Variants in DOCK9 observed in about 807,000 individuals in gnomAD.
DOCK9 encodes the protein dedicator of cytokinesis protein 9.
A neutral mutation model predicts 263.3 loss-of-function variants in DOCK9; 89 were observed. The observed-to-expected ratio is 0.34, with a 90% CI of 0.28 to 0.40. The LOEUF (loss-of-function observed/expected upper bound fraction) is 0.40, where lower values mean the gene tolerates loss of function less well. Ranked by LOEUF, DOCK9 falls within the 10% of genes least tolerant of loss-of-function variation. The pLI is 1.00. For synonymous variants in DOCK9, 976 were observed against 973.1 expected (o/e 1.00, Z -0.06); for missense variants, 2,140 against 2,603.4 (o/e 0.82, Z 3.87).
At chr13:99,019,993 T>G (rs1885887004) in intron 1 of DOCK9, among the ~76,000 whole-genome samples, 4 of 152,242 alleles carry the variant, frequency 2.6e-5, no homozygotes, top group Non-Finnish European at 4.4e-5. Context: ...TCCCAGCTAC[T>G]GGGGAGGCTG....
chr13:98,811,534 C>A (rs1409286174), intron 45 of DOCK9, among the ~76,000 whole-genome samples: 1 of 152,046 alleles, frequency 6.6e-6, no homozygotes, highest in African/African-American at 2.4e-5. Context: ...CCTCTGTCTC[C>A]CAAGTAGCTG....
At chr13:99,027,957 A>C (rs1165149450) in intron 1 of DOCK9, among the ~76,000 whole-genome samples, 1 of 152,234 alleles carries the variant, frequency 6.6e-6, no homozygotes, top group African/African-American at 2.4e-5. Flanking sequence ...ACATTCTGAA[A>C]GATGGAGTTC....
At chr13:99,012,440 G>A (rs1226272701) in intron 1 of DOCK9, among the ~76,000 whole-genome samples, 1 of 152,140 alleles carries the variant, frequency 6.6e-6, no homozygotes, top group African/African-American at 2.4e-5. Context: ...ACAAAGGCTT[G>A]GTGCACACTG....
At chr13:98,806,181 G>C (rs1164375222) in intron 48 of DOCK9, among the ~76,000 whole-genome samples, 1 of 152,222 alleles carries the variant, frequency 6.6e-6, no homozygotes, top group Non-Finnish European at 1.5e-5. Context: ...AGACAGCTGA[G>C]ATTAGATGCA....
Position 98,797,462 on chromosome 13 carries a change from G to C in DOCK9, c.5944C>G (p.Arg1982Gly). 1 of 1,612,638 alleles carries C rather than the reference G, an allele frequency of 6.2e-7. No individual in the cohort carries two copies. Among genetic ancestry groups the C allele is most frequent in the Non-Finnish European group, 8.5e-7 (1 of 1,179,318 alleles). The change falls in exon 51 of 53, where the codon CGA becomes GGA. Residue 1982 changes from arginine (R) to glycine (G), a missense_variant. Physicochemically the swap from Arg to Gly is moderately radical, Grantham distance 125 (BLOSUM62 -2). This residue lies in a region of DOCK9 where 619 missense variants were observed against 861.8 expected (regional missense o/e 0.72). Coordinates refer to ENST00000682017, the MANE Select transcript of DOCK9 (RefSeq NM_001366683.2). ...QVNAGPLAYA[R>G]AFLDDTNTKR... ...GTGTTTGTATCATCTAAGAAAGCTC[G>C]CGCATATGCTAGTGGGCCAGCATTG... is the stretch of plus-strand genomic sequence containing the variant.
intron 48 of DOCK9, among the ~76,000 whole-genome samples, chr13:98,805,715 T>G (rs758256023): frequency 2.0e-5 from 3 of 152,248 alleles, no homozygotes; most frequent in Non-Finnish European, 2.9e-5. Context: ...CTAGTCATGT[T>G]TAATTTAGAA....
chr13:99,075,355 C>CTTT (rs142464481), intron 1 of DOCK9, among the ~76,000 whole-genome samples: 19,722 of 121,816 alleles, frequency 0.16, 2,494 homozygotes, highest in East Asian at 0.41. Flanking sequence ...AGCTGTAGTA[C>CTTT]TTTTTTTTTT....
chr13:99,050,434 C>A (rs1025059099), intron 1 of DOCK9, among the ~76,000 whole-genome samples: 3 of 152,168 alleles, frequency 2.0e-5, no homozygotes, highest in Non-Finnish European at 1.5e-5. Flanking sequence ...GTGGCTCATG[C>A]CTGTAATCCC....
At chr13:98,920,519 A>T (rs2051770213) in intron 7 of DOCK9, among the ~76,000 whole-genome samples, 1 of 152,134 alleles carries the variant, frequency 6.6e-6, no homozygotes, top group Non-Finnish European at 1.5e-5. Flanking sequence ...AGGGATTTGA[A>T]CTCAATCTGC....
chr13:98,840,200 A>G (rs763974870), intron 38 of DOCK9, among the ~76,000 whole-genome samples: 1 of 152,260 alleles, frequency 6.6e-6, no homozygotes, highest in Non-Finnish European at 1.5e-5. Flanking sequence ...AAGAAGAGGC[A>G]GAGAAATTAT....
chr13:98,961,221 G>A (rs941417483), intron 1 of DOCK9, among the ~76,000 whole-genome samples: 2 of 152,160 alleles, frequency 1.3e-5, no homozygotes, highest in African/African-American at 2.4e-5. Context: ...TTCTTCAAGT[G>A]GGCAAAAGTT....
At chr13:98,795,593 C>T (rs2089274641) in intron 52 of DOCK9, among the ~76,000 whole-genome samples, 1 of 152,166 alleles carries the variant, frequency 6.6e-6, no homozygotes, top group African/African-American at 2.4e-5. Context: ...CTTTCATCTT[C>T]TCTAGTGCCC....
intron 1 of DOCK9, among the ~76,000 whole-genome samples, chr13:99,066,522 TA>T (rs1330575989): frequency 6.6e-6 from 1 of 152,186 alleles, no homozygotes; most frequent in Non-Finnish European, 1.5e-5. Context: ...TTACTTAATA[TA>T]AATTTAATAT....
intron 11 of DOCK9, 76 bp from the exon 12 acceptor site, chr13:98,902,567 T>C (rs1595143008): frequency 1.4e-6 from 2 of 1,399,754 alleles, no homozygotes; most frequent in Non-Finnish European, 2.0e-6. Flanking sequence ...AAAAGAGAAA[T>C]GACAAGACCT....
chr13:98,826,875 A>G lies in DOCK9; in HGVS notation c.4978T>C (p.Tyr1660His). The G allele has an allele frequency of 6.2e-7, 1 of 1,610,538 alleles. No individual in the cohort carries two copies. Among genetic ancestry groups the G allele is most frequent in the Non-Finnish European group, 8.5e-7 (1 of 1,178,308 alleles). The change falls in exon 44 of 53, where the codon TAT (tyrosine) becomes CAT (histidine). Residue 1660 changes from tyrosine to histidine, a missense_variant. Tyr to His is a moderately conservative substitution (Grantham distance 83, BLOSUM62 2). This residue lies in a region of DOCK9 where 619 missense variants were observed against 861.8 expected (regional missense o/e 0.72). Coordinates refer to ENST00000682017, the MANE Select transcript of DOCK9 (RefSeq NM_001366683.2). ...NGDLSEAAMC[Y>H]VHVTALVAEY... is the part of the protein sequence containing the mutation. ...GCCACTAGGGCTGTTACGTGGACAT[A>G]GCACATTGCTGCCTATAATAGAAGA... is the stretch of plus-strand genomic sequence containing the variant.
At chr13:98,897,633 C>G in intron 14 of DOCK9, 23 bp from the exon 15 acceptor site, 2 of 1,609,808 alleles carry the variant, frequency 1.2e-6, no homozygotes, top group Non-Finnish European at 1.7e-6. Context: ...AGCAACATTT[C>G]TAAACTGGGT....
intron 38 of DOCK9, among the ~76,000 whole-genome samples, chr13:98,838,125 G>A (rs978319167): frequency 8.5e-5 from 13 of 152,164 alleles, no homozygotes; most frequent in Admixed American, 2.6e-4. Context: ...CCATGTAGAC[G>A]GAGGCAGCAG....
At chr13:98,846,735 A>G in intron 37 of DOCK9, 1 of 388,728 alleles carries the variant, frequency 2.6e-6, no homozygotes, top group Non-Finnish European at 5.0e-6. Context: ...GTAGGAGAAC[A>G]GGGACATGCA....
chr13:98,870,190 G>T (rs1301032951), intron 27 of DOCK9, among the ~76,000 whole-genome samples: 1 of 152,188 alleles, frequency 6.6e-6, no homozygotes, highest in East Asian at 1.9e-4. Context: ...TTAAATGCCA[G>T]AACCTATTAG....
Sources: allele counts gnomAD v4.1 joint callset (sites outside exome capture counted in the v4.1 genomes callset), GRCh38; gene constraint gnomAD v4.1.1; regional missense constraint gnomAD v4.1.1; transcripts MANE v1.5; gene names NCBI Gene and HGNC (gene_info 2026-07-23, HGNC 2026-07-21).